CLECL1: variants seen among roughly 807,000 people sequenced by gnomAD.
The protein encoded by CLECL1 is C-type lectin-like domain family 1.
chr12:9,729,793 C>T (rs1177118404), intron 1 of CLECL1, among the ~76,000 whole-genome samples: 1 of 151,692 alleles, frequency 6.6e-6, no homozygotes, highest in Non-Finnish European at 1.5e-5. Flanking sequence ...TACTTTCCTT[C>T]GAAATATGTA....
At chr12:9,710,794 G>A in the CLECL1 span, among the ~76,000 whole-genome samples, 1 of 152,182 alleles carries the variant, frequency 6.6e-6, no homozygotes, top group Admixed American at 6.5e-5. Context: ...GAGTTTGGCT[G>A]GGGCAGCTGG....
downstream of CLECL1, among the ~76,000 whole-genome samples, chr12:9,719,966 G>A (rs1183401147): frequency 6.6e-6 from 1 of 152,144 alleles, no homozygotes. Context: ...TCTTCCAGCA[G>A]CATTCTCTTT....
At chr12:9,722,936 G>A (rs2011125496) in intron 3 of CLECL1, 123 bp from the exon 2 acceptor site, 1 of 636,480 alleles carries the variant, frequency 1.6e-6, no homozygotes, top group Non-Finnish European at 2.5e-6. Context: ...AAAAGTATGT[G>A]CTTTGTTCCA....
At chr12:9,702,792 C>T in the CLECL1 span, among the ~76,000 whole-genome samples, 1 of 152,228 alleles carries the variant, frequency 6.6e-6, no homozygotes, top group African/African-American at 2.4e-5. Context: ...CTGTAGACAT[C>T]TCTACTCCTC....
chr12:9,719,279 T>C (rs1866278999), downstream of CLECL1, among the ~76,000 whole-genome samples: 1 of 152,000 alleles, frequency 6.6e-6, no homozygotes, highest in Non-Finnish European at 1.5e-5. Flanking sequence ...GTAATCCCAG[T>C]ACTTTGGGAG....
At chr12:9,708,813 C>T in the CLECL1 span, 15 of 182,446 alleles carry the variant, frequency 8.2e-5, no homozygotes, top group Admixed American at 3.1e-4. Context: ...CTCTCCATCA[C>T]ACCCTGAGTA....
chr12:9,724,515 C>A (rs970559650), intron 3 of CLECL1, among the ~76,000 whole-genome samples: 1 of 151,952 alleles, frequency 6.6e-6, no homozygotes, highest in Admixed American at 6.6e-5. Flanking sequence ...CAAAGAAGGA[C>A]AGTAGGAAAA....
downstream of CLECL1, among the ~76,000 whole-genome samples, chr12:9,713,613 G>A (rs748152546): frequency 2.3e-4 from 35 of 152,280 alleles, no homozygotes; most frequent in African/African-American, 7.9e-4. Context: ...CCCCATTTGA[G>A]ACTCTCACTT....
At chr12:9,730,590 A>C (rs1380245149) in intron 1 of CLECL1, among the ~76,000 whole-genome samples, 1 of 152,260 alleles carries the variant, frequency 6.6e-6, no homozygotes, top group Non-Finnish European at 1.5e-5. Context: ...AGAAGTCCAC[A>C]TATTTTCACT....
chr12:9,732,970 C>T (rs750671734), exon 1 of CLECL1: 9 of 1,605,772 alleles, frequency 5.6e-6, no homozygotes, highest in African/African-American at 1.3e-5. Flanking sequence ...AGTGGAAACG[C>T]GAGTTCTAAC....
the CLECL1 span, among the ~76,000 whole-genome samples, chr12:9,706,681 A>G: frequency 1.3e-5 from 2 of 152,312 alleles, no homozygotes; most frequent in African/African-American, 2.4e-5. Context: ...ATGTTGAACC[A>G]ACCTTGCATC....
exon 3 of CLECL1, among the ~76,000 whole-genome samples, chr12:9,727,635 A>G (rs1457435600): frequency 2.0e-5 from 3 of 151,852 alleles, no homozygotes; most frequent in Admixed American, 1.3e-4. Flanking sequence ...TATACAATTT[A>G]GTATTGGATA....
chr12:9,722,463 G>T, downstream of CLECL1: 1 of 1,143,674 alleles, frequency 8.7e-7, no homozygotes, highest in Non-Finnish European at 1.1e-6. Flanking sequence ...CCTCCTCCTA[G>T]CCGGAAAAAA....
the CLECL1 span, among the ~76,000 whole-genome samples, chr12:9,706,654 C>G: frequency 2.6e-5 from 4 of 152,184 alleles, no homozygotes; most frequent in Non-Finnish European, 5.9e-5. Flanking sequence ...TGATGAATTA[C>G]ATTTATTGGT....
chr12:9,711,581 T>TTG (rs1207641463), downstream of CLECL1, among the ~76,000 whole-genome samples: 1 of 152,176 alleles, frequency 6.6e-6, no homozygotes, highest in African/African-American at 2.4e-5. Flanking sequence ...ACATACTTGA[T>TTG]TGCTTCCTCC....
At chr12:9,722,224 C>T (rs1044410278), downstream of CLECL1, among the ~76,000 whole-genome samples, 4 of 152,104 alleles carry the variant, frequency 2.6e-5, no homozygotes, top group African/African-American at 9.7e-5. Flanking sequence ...GTTAGCTATC[C>T]TCTGGAAATA....
At chr12:9,713,928 ATCTTTAACTATG>A (rs1264281896), downstream of CLECL1, among the ~76,000 whole-genome samples, 1 of 152,190 alleles carries the variant, frequency 6.6e-6, no homozygotes, top group Non-Finnish European at 1.5e-5. Context: ...GTTTTGTTAT[ATCTTTAACTATG>A]TCTTTAACTA....
chr12:9,731,796 T>C (rs1248617918), intron 1 of CLECL1, among the ~76,000 whole-genome samples: 1 of 152,206 alleles, frequency 6.6e-6, no homozygotes, highest in Non-Finnish European at 1.5e-5. Context: ...GTTTTATTTA[T>C]AAAAGTTCAA....
chr12:9,714,011 C>T (rs1866216518), downstream of CLECL1, among the ~76,000 whole-genome samples: 1 of 152,194 alleles, frequency 6.6e-6, no homozygotes. Flanking sequence ...TTATAGACCT[C>T]TCTTTTAGCT....
Sources: gnomAD v4.1 joint callset for allele counts (sites outside exome capture counted in the v4.1 genomes callset) on GRCh38, gnomAD v4.1.1 for gene constraint, MANE v1.5 for transcripts, NCBI Gene and HGNC (gene_info 2026-07-23, HGNC 2026-07-21) for gene names.